BCOR: variants seen among roughly 807,000 people sequenced by gnomAD.
BCOR encodes the protein BCL6 corepressor, also known as BCL-6 corepressor.
Under a neutral mutation model 86.7 loss-of-function variants are expected in BCOR, and 10 were observed. The observed-to-expected ratio is 0.12, with a 90% CI of 0.07 to 0.20. BCOR has a LOEUF of 0.20. BCOR is among the 10% of genes least tolerant of loss of function. The pLI, the probability that BCOR is intolerant of heterozygous loss-of-function variation, is 1.00. For missense variants in BCOR, 1,259 were observed against 1,452.1 expected (o/e 0.87, Z 2.16); for synonymous variants, 611 against 609.0 (o/e 1.00, Z -0.05).
intron 1 of BCOR, among the ~76,000 whole-genome samples, chrX:40,083,665 C>T (rs925111837): frequency 1.8e-5 from 2 of 112,319 alleles, no homozygotes; most frequent in Non-Finnish European, 3.8e-5. Context: ...TTCTCTCCCA[C>T]CACACACACC....
At chrX:40,104,653 C>T (rs2147798215) in intron 1 of BCOR, among the ~76,000 whole-genome samples, 1 of 111,636 alleles carries the variant, frequency 9.0e-6, no homozygotes, top group East Asian at 2.9e-4. Flanking sequence ...ACCGTGGCGT[C>T]CGGCACATGC....
intron 1 of BCOR, among the ~76,000 whole-genome samples, chrX:40,088,512 T>C (rs1411137913): frequency 9.0e-6 from 1 of 111,347 alleles, no homozygotes. Context: ...GGAGGGCTCC[T>C]GTTTCAGAGC....
At chrX:40,069,317 G>A (rs1450786181) in intron 6 of BCOR, among the ~76,000 whole-genome samples, 1 of 111,957 alleles carries the variant, frequency 8.9e-6, no homozygotes, top group Non-Finnish European at 1.9e-5. Flanking sequence ...AGCACTACGT[G>A]GTGACTTATG....
intron 1 of BCOR, among the ~76,000 whole-genome samples, chrX:40,176,344 C>A (rs1358622934): frequency 1.8e-5 from 2 of 112,897 alleles, no homozygotes; most frequent in African/African-American, 6.4e-5. Context: ...TCGCAGCCCT[C>A]CCCGGCCTCG....
At chrX:40,081,063 T>A (rs753051432) in intron 1 of BCOR, among the ~76,000 whole-genome samples, 1 of 111,470 alleles carries the variant, frequency 9.0e-6, no homozygotes, top group East Asian at 2.8e-4. Flanking sequence ...GGAGGTCTGT[T>A]GAACAAACAG....
upstream of BCOR, among the ~76,000 whole-genome samples, chrX:40,099,987 A>C (rs1937040739): frequency 8.9e-6 from 1 of 111,852 alleles, no homozygotes; most frequent in Non-Finnish European, 1.9e-5. Context: ...TATCTCTGCA[A>C]GCCAACCCAC....
At chrX:40,171,904 T>TG (rs1206767129) in intron 1 of BCOR, among the ~76,000 whole-genome samples, 3 of 112,690 alleles carry the variant, frequency 2.7e-5, no homozygotes, top group Non-Finnish European at 5.6e-5. Flanking sequence ...CGCGGGCTGA[T>TG]GCGCTCTCTC....
chrX:40,137,492 G>C (rs1040539311), intron 1 of BCOR, among the ~76,000 whole-genome samples: 1 of 110,114 alleles, frequency 9.1e-6, no homozygotes, highest in Admixed American at 9.9e-5. Flanking sequence ...AGGTTGCAGT[G>C]AGCCGATATG....
intron 1 of BCOR, among the ~76,000 whole-genome samples, chrX:40,142,922 C>T (rs773164185): frequency 9.0e-6 from 1 of 111,724 alleles, no homozygotes; most frequent in East Asian, 2.8e-4. Flanking sequence ...TCTCAGCCTA[C>T]GTATATTTAG....
Position 40,063,601 on chromosome X carries a change from C to T in BCOR, c.3847+7G>A, listed in dbSNP as rs142686469. 1.1e-4 allele frequency: 133 copies of T among 1,203,465 alleles called. No homozygotes were observed. Among genetic ancestry groups the T allele is most frequent in the Non-Finnish European group, 1.4e-4 (121 of 889,104 alleles). ...GGGTGAACACTCAAGGGGTGGCCCC[C>T]GCATACCTTGTTCATTGTCACTGGG... is the stretch of plus-strand genomic sequence containing the variant. On this transcript the variant is annotated splice_region_variant and intron_variant, in intron 8 of 14. Coordinates refer to ENST00000378444, the MANE Select transcript of BCOR (RefSeq NM_001123385.2).
intron 1 of BCOR, among the ~76,000 whole-genome samples, chrX:40,087,597 G>A (rs754531645): frequency 1.8e-5 from 2 of 111,848 alleles, no homozygotes; most frequent in East Asian, 5.6e-4. Context: ...TGGGATGGGA[G>A]AGAGGATTTC....
Position 40,052,416 on chromosome X carries a change from G to A in BCOR, c.4977-16C>T. On this transcript the variant is annotated splice_polypyrimidine_tract_variant and intron_variant, in intron 14 of 14. Transcript: ENST00000378444. ...GTTTCGTGGCCTACAAAACAGAAAG[G>A]AAAATGCTTTGAGTTTCCAGTAAAA... The A allele has an allele frequency of 8.3e-7, 1 of 1,206,665 alleles. No homozygotes were observed.
chrX:40,146,930 A>G (rs1349364846), intron 1 of BCOR, among the ~76,000 whole-genome samples: 1 of 111,377 alleles, frequency 9.0e-6, no homozygotes, highest in Non-Finnish European at 1.9e-5. Context: ...CGGCAAGTTT[A>G]CTTTCAAGGA....
At position 40,053,962 on chromosome X, in the gene BCOR, T is replaced by C. The variant is rs776885458; in HGVS notation, c.4900A>G (p.Ser1634Gly). ...GAAAATTCAAATTCAAACACATCGC[T>C]ATAGGCATCGTCATCATCATCCTGG... is the stretch of plus-strand genomic sequence containing the variant. Reference protein sequence around the residue: ...EDQDDDDDAYSDVFEFEFSET... With the variant: ...EDQDDDDDAYGDVFEFEFSET... The change falls in exon 14 of 15, where the codon AGC (serine) becomes GGC (glycine). Residue 1634 changes from serine (S) to glycine (G), a missense_variant. Transcript: ENST00000378444. The C allele has an allele frequency of 3.9e-5, 47 of 1,209,124 alleles. No homozygotes were observed. In the South Asian group the frequency reaches 8.3e-4, roughly 21 times the overall value.
intron 1 of BCOR, among the ~76,000 whole-genome samples, chrX:40,170,497 G>A (rs1183238062): frequency 9.1e-6 from 1 of 110,385 alleles, no homozygotes; most frequent in African/African-American, 3.3e-5. Flanking sequence ...ACAGGCGCCC[G>A]CCACCTTGCC....
At chrX:40,167,368 G>A (rs1417717534) in intron 1 of BCOR, among the ~76,000 whole-genome samples, 2 of 111,963 alleles carry the variant, frequency 1.8e-5, no homozygotes, top group Admixed American at 9.4e-5. Context: ...GAACGTCATC[G>A]GGCAGTCCCA....
At chrX:40,053,328 C>CA (rs1257471690) in intron 14 of BCOR, among the ~76,000 whole-genome samples, 1 of 112,204 alleles carries the variant, frequency 8.9e-6, no homozygotes, top group African/African-American at 3.2e-5. Context: ...GCTCTGTCAA[C>CA]ACACAGCAGA....
chrX:40,054,810 T>A (rs1030826813), intron 12 of BCOR, among the ~76,000 whole-genome samples: 1 of 112,794 alleles, frequency 8.9e-6, no homozygotes, highest in African/African-American at 3.2e-5. Context: ...GGCCTACTTA[T>A]GTATCTCTTC....
chrX:40,176,483 C>A (rs1175955663), intron 1 of BCOR, among the ~76,000 whole-genome samples: 1 of 112,566 alleles, frequency 8.9e-6, no homozygotes, highest in African/African-American at 3.2e-5. Context: ...GAAAACAAGG[C>A]CGGCGACTAC....
Sources: allele counts gnomAD v4.1 joint callset (sites outside exome capture counted in the v4.1 genomes callset), GRCh38; gene constraint gnomAD v4.1.1; transcripts MANE v1.5; gene names NCBI Gene and HGNC (gene_info 2026-07-23, HGNC 2026-07-21).